Variants in DCUN1D1 observed in about 807,000 individuals in gnomAD.
DCUN1D1 encodes the protein defective in cullin neddylation 1 domain containing 1.
Under a neutral mutation model 39.0 loss-of-function variants are expected in DCUN1D1, and 3 were observed. That is an observed-to-expected ratio of 0.08 (90% CI 0.04 to 0.20). The LOEUF is 0.20. Ranked by LOEUF, DCUN1D1 falls within the 10% of genes least tolerant of loss-of-function variation. DCUN1D1 has a pLI of 1.00. For missense variants in DCUN1D1, 158 were observed against 302.4 expected, an observed-to-expected ratio of 0.52 and a Z score of 3.54; for synonymous variants, 82 against 96.3, an observed-to-expected ratio of 0.85 and a Z score of 0.87.
chr3:182,969,093 A>G (rs1398604549), intron 1 of DCUN1D1, among the ~76,000 whole-genome samples: 1 of 152,190 alleles, frequency 6.6e-6, no homozygotes, highest in East Asian at 1.9e-4. Context: ...ATAAAGTCTG[A>G]TAAGTACCCT....
At chr3:182,984,688 A>G (rs1728670626), upstream of DCUN1D1, among the ~76,000 whole-genome samples, 1 of 152,200 alleles carries the variant, frequency 6.6e-6, no homozygotes, top group African/African-American at 2.4e-5. Context: ...ATACGTAAAT[A>G]CTTCTTGCCA....
At chr3:182,946,556 C>CA (rs71185614) in intron 6 of DCUN1D1, among the ~76,000 whole-genome samples, 41,009 of 61,582 alleles carry the variant, frequency 0.67, 14,811 homozygotes, top group Non-Finnish European at 0.8. Context: ...GACTCCATCT[C>CA]AAAAAAAAAA....
chr3:182,954,573 T>C (rs1028238698), intron 4 of DCUN1D1, among the ~76,000 whole-genome samples: 23 of 152,162 alleles, frequency 1.5e-4, no homozygotes, highest in African/African-American at 5.1e-4. Context: ...AAATTATCTA[T>C]ATAAATTCTA....
chr3:182,976,328 T>C (rs2108399925), intron 1 of DCUN1D1, among the ~76,000 whole-genome samples: 1 of 152,164 alleles, frequency 6.6e-6, no homozygotes, highest in South Asian at 2.1e-4. Context: ...TCCATTTCTC[T>C]AGGATAAAAG....
At chr3:182,975,330 C>T (rs1343130554) in intron 1 of DCUN1D1, among the ~76,000 whole-genome samples, 1 of 151,956 alleles carries the variant, frequency 6.6e-6, no homozygotes, top group East Asian at 1.9e-4. Context: ...GCGCCTGCTA[C>T]CACATCCAGC....
intron 3 of DCUN1D1, among the ~76,000 whole-genome samples, chr3:182,962,277 T>G (rs1727437798): frequency 6.6e-6 from 1 of 152,254 alleles, no homozygotes; most frequent in Non-Finnish European, 1.5e-5. Flanking sequence ...ATTTACTGCC[T>G]CTCAGCTTTA....
At chr3:182,949,348 A>C (rs1159752779) in intron 4 of DCUN1D1, among the ~76,000 whole-genome samples, 3 of 149,408 alleles carry the variant, frequency 2.0e-5, no homozygotes, top group Non-Finnish European at 4.5e-5. Context: ...GGGCAACAGA[A>C]CAAGACTCCG....
At chr3:182,961,013 A>G (rs1560171688) in intron 4 of DCUN1D1, among the ~76,000 whole-genome samples, 2 of 152,212 alleles carry the variant, frequency 1.3e-5, no homozygotes, top group Non-Finnish European at 2.9e-5. Flanking sequence ...TTCATAAAGC[A>G]AAAGTCAGTG....
chr3:182,960,280 CA>C (rs11349595), intron 4 of DCUN1D1, among the ~76,000 whole-genome samples: 96,346 of 149,820 alleles, frequency 0.64, 31,319 homozygotes, highest in Non-Finnish European at 0.67. Flanking sequence ...TTTCTGTCTC[CA>C]AAAAAAAAAA....
chr3:182,956,689 C>A (rs1008193268), intron 4 of DCUN1D1, among the ~76,000 whole-genome samples: 1 of 152,060 alleles, frequency 6.6e-6, no homozygotes, highest in African/African-American at 2.4e-5. Context: ...TCATTTAAAT[C>A]AATTGTAGAG....
chr3:182,980,357 G>T, intron 1 of DCUN1D1, 130 bp downstream of exon 1: 1 of 656,332 alleles, frequency 1.5e-6, no homozygotes, highest in Non-Finnish European at 1.9e-6. Flanking sequence ...CCGCCTGGGA[G>T]CGGGACGGAG....
intron 1 of DCUN1D1, among the ~76,000 whole-genome samples, chr3:182,973,580 G>A (rs748649186): frequency 6.6e-6 from 1 of 152,152 alleles, no homozygotes; most frequent in Non-Finnish European, 1.5e-5. Context: ...AGGCCAAGGC[G>A]GGCGGATCAT....
chr3:182,950,470 T>A (rs1726658477), intron 4 of DCUN1D1, among the ~76,000 whole-genome samples: 1 of 152,036 alleles, frequency 6.6e-6, no homozygotes, highest in Admixed American at 6.5e-5. Flanking sequence ...CTTTTAAAAA[T>A]CTTTCTTGGA....
At position 182,941,990 on chromosome 3, in the gene DCUN1D1, ACACTT is replaced by A. The variant is rs1468624741; in HGVS notation, c.*3099_*3103del. On this transcript the variant is annotated 3_prime_UTR_variant, in exon 7 of 7. Coordinates refer to ENST00000292782, the MANE Select transcript of DCUN1D1 (RefSeq NM_020640.4). ...TTATCATCAAATAAAAAATAAATGA[ACACTT>A]CATTCATTTAAGTCTGAGGAAAAAA... 4 of 152,124 alleles carry A rather than the reference ACACTT, an allele frequency of 2.6e-5. No homozygotes were observed. Among genetic ancestry groups the A allele is most frequent in the Non-Finnish European group, 5.9e-5 (4 of 67,974 alleles). 9.4% of individuals were successfully genotyped at this position (152,124 alleles called of 1,614,324 possible).
At chr3:182,963,231 G>A (rs1292540396) in intron 3 of DCUN1D1, among the ~76,000 whole-genome samples, 1 of 152,156 alleles carries the variant, frequency 6.6e-6, no homozygotes, top group Non-Finnish European at 1.5e-5. Flanking sequence ...TTCTCAAAAA[G>A]TTGCTGTGAA....
chr3:182,957,398 G>A (rs752694771), intron 4 of DCUN1D1, among the ~76,000 whole-genome samples: 10 of 152,186 alleles, frequency 6.6e-5, no homozygotes, highest in Non-Finnish European at 1.0e-4. Flanking sequence ...AGGCCAAGGC[G>A]GGGTGATCAC....
intron 1 of DCUN1D1, among the ~76,000 whole-genome samples, chr3:182,973,624 T>A (rs1258928212): frequency 2.0e-5 from 3 of 152,062 alleles, no homozygotes; most frequent in Non-Finnish European, 1.5e-5. Flanking sequence ...CTGGCCAACA[T>A]GGTGAAACCC....
intron 1 of DCUN1D1, among the ~76,000 whole-genome samples, chr3:182,977,904 T>C (rs1034732698): frequency 1.3e-5 from 2 of 151,892 alleles, no homozygotes; most frequent in Admixed American, 6.6e-5. Flanking sequence ...GCCGGGTATG[T>C]TGGCGGGCAC....
chr3:182,960,229 C>T (rs1363598381), intron 4 of DCUN1D1, among the ~76,000 whole-genome samples: 1 of 152,118 alleles, frequency 6.6e-6, no homozygotes, highest in African/African-American at 2.4e-5. Context: ...TCATCAAAAT[C>T]TTCATTGGGT....
Sources: allele counts gnomAD v4.1 joint callset (sites outside exome capture counted in the v4.1 genomes callset), GRCh38; gene constraint gnomAD v4.1.1; transcripts MANE v1.5; gene names NCBI Gene and HGNC (gene_info 2026-07-23, HGNC 2026-07-21).